MEF2C: variants seen among roughly 807,000 people sequenced by gnomAD.
MEF2C encodes myocyte-specific enhancer factor 2C.
Under a neutral mutation model 50.5 loss-of-function variants are expected in MEF2C, and 6 were observed. The observed-to-expected ratio is 0.12, with a 90% confidence interval of 0.07 to 0.23. MEF2C has a LOEUF of 0.23. Ranked by LOEUF, MEF2C falls within the 10% of genes least tolerant of loss-of-function variation. MEF2C has a pLI of 1.00. For synonymous variants in MEF2C, 183 were observed against 228.0 expected, an observed-to-expected ratio of 0.80 and a Z score of 1.78; for missense variants, 276 against 605.0, an observed-to-expected ratio of 0.46 and a Z score of 5.70.
At chr5:88,887,668 G>GA (rs1341553686), upstream of MEF2C, 4 of 152,148 alleles carry the variant, frequency 2.6e-5, no homozygotes, top group Non-Finnish European at 4.4e-5. Context: ...CTTTCAAATA[G>GA]ATTTATTTCT....
intron 3 of MEF2C, among the ~76,000 whole-genome samples, chr5:88,793,921 T>G (rs1794914129): frequency 6.6e-6 from 1 of 152,188 alleles, no homozygotes; most frequent in Admixed American, 6.5e-5. Flanking sequence ...TGTGTTAGTT[T>G]GCTGAGAATG....
intron 6 of MEF2C, among the ~76,000 whole-genome samples, chr5:88,744,901 T>A (rs1006574661): frequency 2.6e-5 from 4 of 152,366 alleles, no homozygotes; most frequent in African/African-American, 9.6e-5. Flanking sequence ...GGTTTTCCGT[T>A]AAGAATATTA....
chr5:88,782,453 T>C (rs981263971), intron 3 of MEF2C, among the ~76,000 whole-genome samples: 7 of 128,344 alleles, frequency 5.5e-5, no homozygotes, highest in African/African-American at 2.0e-4. Flanking sequence ...GCAATGGGCA[T>C]GAAATCATCT....
intron 6 of MEF2C, chr5:88,735,240 A>C (rs955671766): frequency 4.0e-5 from 39 of 985,230 alleles, no homozygotes; most frequent in Non-Finnish European, 4.6e-5. Flanking sequence ...CTGTTGTCCC[A>C]CCTTAAGATA....
At chr5:88,730,691 T>C (rs1248262605) in intron 7 of MEF2C, among the ~76,000 whole-genome samples, 1 of 152,120 alleles carries the variant, frequency 6.6e-6, no homozygotes, top group Non-Finnish European at 1.5e-5. Flanking sequence ...TGTAGCCCTG[T>C]AGGAGGTTAT....
At chr5:88,733,652 G>A (rs977433099) in intron 6 of MEF2C, 1 of 985,262 alleles carries the variant, frequency 1.0e-6, no homozygotes, top group Non-Finnish European at 1.2e-6. Context: ...AAGCAGATTT[G>A]TTCTTCATAT....
intron 1 of MEF2C, among the ~76,000 whole-genome samples, chr5:88,898,725 AAT>A (rs556632833): frequency 6.6e-6 from 1 of 152,156 alleles, no homozygotes; most frequent in Non-Finnish European, 1.5e-5. Flanking sequence ...ATCATGTTTT[AAT>A]TCTGTCCTCA....
chr5:88,860,487 T>C (rs945353680), intron 1 of MEF2C, among the ~76,000 whole-genome samples: 7 of 152,134 alleles, frequency 4.6e-5, no homozygotes, highest in African/African-American at 1.4e-4. Context: ...TTTTTAGAAA[T>C]TGTAATTTTT....
Position 88,720,080 on chromosome 5 carries a change from A to C in MEF2C, c.*2524T>G, listed in dbSNP as rs1257871937. ...TGGTATCTACTGATATTGATATACT[A>C]AAGTATTTTGAAATGACAAAGAACA... On this transcript the variant is annotated 3_prime_UTR_variant, in exon 11 of 11. Coordinates refer to ENST00000504921, the MANE Select transcript of MEF2C (RefSeq NM_002397.5). The C allele has an allele frequency of 6.6e-6, 1 of 152,208 alleles. No homozygotes were observed. The highest frequency in any genetic ancestry group is 6.5e-5 in the Admixed American group (1 of 15,280). 9.4% of individuals were successfully genotyped at this position (152,208 alleles called of 1,614,324 possible).
intron 3 of MEF2C, among the ~76,000 whole-genome samples, chr5:88,800,573 T>C (rs537043551): frequency 6.6e-6 from 1 of 152,230 alleles, no homozygotes; most frequent in Middle Eastern, 3.4e-3. Context: ...AACAACCACA[T>C]CTTCTTCCAG....
chr5:88,874,307 G>T (rs1269401596), intron 1 of MEF2C, among the ~76,000 whole-genome samples: 1 of 151,754 alleles, frequency 6.6e-6, no homozygotes, highest in Non-Finnish European at 1.5e-5. Flanking sequence ...ATACCAACGG[G>T]TATGATTCAA....
intron 3 of MEF2C, among the ~76,000 whole-genome samples, chr5:88,762,813 A>G (rs1778457575): frequency 6.6e-6 from 1 of 152,218 alleles, no homozygotes; most frequent in Non-Finnish European, 1.5e-5. Flanking sequence ...CATCTTTATT[A>G]AAGACAGAAT....
intron 3 of MEF2C, among the ~76,000 whole-genome samples, chr5:88,799,290 T>C (rs1487423415): frequency 6.6e-6 from 1 of 152,186 alleles, no homozygotes; most frequent in African/African-American, 2.4e-5. Flanking sequence ...ATGGGAGTTT[T>C]ATCTATAAGC....
At chr5:88,816,067 T>C (rs1581144113) in intron 2 of MEF2C, among the ~76,000 whole-genome samples, 2 of 152,152 alleles carry the variant, frequency 1.3e-5, no homozygotes, top group South Asian at 2.1e-4. Flanking sequence ...GTAGAAATTA[T>C]ATGAGATATA....
At chr5:88,773,169 T>C (rs1048100681) in intron 3 of MEF2C, among the ~76,000 whole-genome samples, 2 of 152,244 alleles carry the variant, frequency 1.3e-5, no homozygotes, top group Non-Finnish European at 2.9e-5. Context: ...GCATCTTGAA[T>C]GTTCCCAGCA....
At chr5:88,874,146 G>A (rs1830389947) in intron 1 of MEF2C, among the ~76,000 whole-genome samples, 1 of 151,868 alleles carries the variant, frequency 6.6e-6, no homozygotes, top group Admixed American at 6.6e-5. Flanking sequence ...CTTGACCAGA[G>A]AATTACTTAC....
Position 88,748,866 on chromosome 5 carries a change from G to C in MEF2C, c.637+204C>G, listed in dbSNP as rs982457803. 1.0e-5 allele frequency: 10 copies of C among 984,654 alleles called. No individual in the cohort carries two copies. The Admixed American group carries it at 1.8e-4, about 18-fold the overall frequency. The allele number at this position is 984,654 out of a possible 1,614,324, so 61.0% of individuals were successfully genotyped here. A position where few individuals can be genotyped will look rare whatever the true frequency, so the allele number is the denominator to read the frequency against. On this transcript the variant is annotated intron_variant, in intron 6 of 10. Transcript: ENST00000504921. ...ACCAGTTGAAGCTTTATTAAGGAAG[G>C]TTCTAGTTAATAAATAGTTTTCTTC...
chr5:88,788,938 G>A (rs1191653545), intron 3 of MEF2C, among the ~76,000 whole-genome samples: 1 of 152,150 alleles, frequency 6.6e-6, no homozygotes, highest in Non-Finnish European at 1.5e-5. Context: ...TGAAATAACT[G>A]AGAGTGAAGT....
chr5:88,852,879 C>T (rs115821742), intron 1 of MEF2C, among the ~76,000 whole-genome samples: 2,939 of 151,106 alleles, frequency 0.019, 35 homozygotes, highest in Admixed American at 0.033. Flanking sequence ...AGCGCCACTG[C>T]GCTCCAGCCT....
Sources: gnomAD v4.1 joint callset for allele counts (sites outside exome capture counted in the v4.1 genomes callset) on GRCh38, gnomAD v4.1.1 for gene constraint, MANE v1.5 for transcripts, NCBI Gene and HGNC (gene_info 2026-07-23, HGNC 2026-07-21) for gene names.